The following SYNE1 variants were observed in gnomAD, a reference collection of about 807,000 sequenced individuals.
SYNE1 encodes the protein nesprin-1.
SYNE1 carries 616 observed loss-of-function variants against 1,111.0 expected under a neutral mutation model. The observed-to-expected ratio is 0.55, with a 90% confidence interval of 0.52 to 0.59. The LOEUF (loss-of-function observed/expected upper bound fraction) is 0.59. Ranked by LOEUF, SYNE1 falls within the 20% of genes least tolerant of loss-of-function variation. The probability of loss-of-function intolerance (pLI) is 0.00; values close to 1 mark genes in which losing one functional copy is unlikely to be tolerated. For missense variants in SYNE1, 10,006 were observed against 10,417.0 expected (o/e 0.96, Z 1.72); for synonymous variants, 3,855 against 3,825.8 (o/e 1.01, Z -0.28).
At position 152,628,307 on chromosome 6, in the gene SYNE1, G is replaced by C; in HGVS notation, c.25C>G (p.Arg9Gly). ...ACATTGGCGATATCCCGAGGACACC[G>C]GGAGGCCCCTCTGGAGGTTGCCATG... MATSRGAS[R>G]CPRDIANVMQ... is the part of the protein sequence containing the mutation. The change falls in exon 3 of 146, where the codon CGG becomes GGG. Residue 9 changes from arginine to glycine, a missense_variant. Arg to Gly is a moderately radical substitution (Grantham distance 125). This residue lies in a region of SYNE1 where 1,971 missense variants were observed against 2,084.1 expected (regional missense o/e 0.95). Transcript: ENST00000367255. 1.2e-6 allele frequency: 2 copies of C among 1,614,124 alleles called. No homozygotes were observed. Among genetic ancestry groups the C allele is most frequent in the Non-Finnish European group, 1.7e-6 (2 of 1,180,038 alleles).
At chr6:152,396,646 G>A in intron 50 of SYNE1, 129 bp downstream of exon 50, 1 of 953,290 alleles carries the variant, frequency 1.0e-6, no homozygotes, top group Non-Finnish European at 1.6e-6. Context: ...CTGTATTTAT[G>A]ATCAAAGCTT....
At chr6:152,483,290 A>C (rs2098919302) in intron 13 of SYNE1, 41 bp from the exon 14 acceptor site, 1 of 1,569,288 alleles carries the variant, frequency 6.4e-7, no homozygotes, top group Non-Finnish European at 8.8e-7. Context: ...TCTTTAATAC[A>C]GATGGCAATT....
Position 152,396,812 on chromosome 6 carries a change from T to C in SYNE1, c.7519A>G (p.Lys2507Glu). 1 of 1,614,210 alleles carries C rather than the reference T, an allele frequency of 6.2e-7. No homozygotes were observed. The highest frequency in any genetic ancestry group is 1.1e-5 in the South Asian group (1 of 91,088). The change falls in exon 50 of 146, where the codon AAG becomes GAG. Residue 2507 changes from lysine (K) to glutamate (E), a missense_variant. This residue lies in a region of SYNE1 where 4,955 missense variants were observed against 5,017.2 expected (regional missense o/e 0.99). Transcript: ENST00000367255. Reference protein sequence around the residue: ...QAFLKQCLKDKQALQDCASEL... With the variant: ...QAFLKQCLKDEQALQDCASEL... ...GAAGCACAGTCTTGAAGAGCCTGCT[T>C]ATCTTTAAGGCATTGTTTCAGAAAT...
chr6:152,366,301 C>T (rs1388921758), intron 62 of SYNE1, among the ~76,000 whole-genome samples: 1 of 152,060 alleles, frequency 6.6e-6, no homozygotes, highest in Non-Finnish European at 1.5e-5. Flanking sequence ...CATTGCACTC[C>T]AGCCTGGGCA....
intron 98 of SYNE1, among the ~76,000 whole-genome samples, chr6:152,272,941 A>C (rs2093317665): frequency 6.6e-6 from 1 of 152,238 alleles, no homozygotes; most frequent in Non-Finnish European, 1.5e-5. Context: ...TCATGGCAAT[A>C]ATAATGTAAA....
At chr6:152,127,861 T>C (rs943961247) in intron 145 of SYNE1, 3 of 152,226 alleles carry the variant, frequency 2.0e-5, no homozygotes, top group Non-Finnish European at 4.4e-5. Flanking sequence ...TAAATGTATC[T>C]GATTAACTTG....
At chr6:152,607,275 C>T (rs1367949240) in intron 3 of SYNE1, among the ~76,000 whole-genome samples, 2 of 152,120 alleles carry the variant, frequency 1.3e-5, no homozygotes, top group Admixed American at 1.3e-4. Context: ...TGAGCCACCA[C>T]ACCTGGCCGA....
intron 107 of SYNE1, 39 bp downstream of exon 107, chr6:152,242,201 A>G (rs2085883613): frequency 6.5e-7 from 1 of 1,547,018 alleles, no homozygotes; most frequent in East Asian, 2.2e-5. Context: ...CATGCTTTCC[A>G]ATTACATTTT....
Position 152,461,676 on chromosome 6 carries a change from A to T in SYNE1, c.2315T>A (p.Leu772His), listed in dbSNP as rs1267181894. 7 of 1,613,912 alleles carry T rather than the reference A, an allele frequency of 4.3e-6. No individual in the cohort carries two copies. Among genetic ancestry groups the T allele is most frequent in the South Asian group, 3.3e-5 (3 of 91,086 alleles). Residue 772 changes from leucine to histidine, a missense_variant, in exon 21 of 146, where the codon CTC becomes CAC. Physicochemically the swap from Leu to His is moderately conservative, Grantham distance 99. This residue lies in a region of SYNE1 where 1,971 missense variants were observed against 2,084.1 expected (regional missense o/e 0.95). Transcript: ENST00000367255. The part of the protein sequence containing the change: ...QYKIITKTAH[L>H]ITKESPQEEG... ...TTCTTGGGGGCTTTCTTTGGTAATG[A>T]GGTGTGCTGTCTTTGTAATTATCTT... is the stretch of plus-strand genomic sequence containing the variant.
rs1236907242 is a variant in SYNE1, at chr6:152,453,694, C to A, written c.2919G>T (p.Arg973Ser). The A allele has an allele frequency of 6.2e-7, 1 of 1,614,130 alleles. No homozygotes were observed. The change falls in exon 25 of 146, where the codon AGG becomes AGT. Residue 973 changes from arginine to serine, a missense_variant. Arg to Ser is a moderately radical substitution (Grantham distance 110, BLOSUM62 -1). Around this residue, in one of 7 missense-constraint regions of SYNE1, gnomAD observed 1,971 missense variants for 2,084.1 expected, o/e 0.95. Coordinates refer to ENST00000367255, the MANE Select transcript of SYNE1 (RefSeq NM_182961.4). ...AAGCTTTCAGGAAAGCATTGAGCAC[C>A]CTCTGATCCAGCTGACTGAAAAACT... is the stretch of plus-strand genomic sequence containing the variant. Reference protein sequence around the residue: ...HTEFFSQLDQRVLNAFLKACD... With the variant: ...HTEFFSQLDQSVLNAFLKACD...
intron 12 of SYNE1, among the ~76,000 whole-genome samples, chr6:152,487,898 AC>A (rs1257399401): frequency 2.0e-5 from 3 of 152,010 alleles, no homozygotes; most frequent in African/African-American, 4.8e-5. Flanking sequence ...ACATGGTGAA[AC>A]CCCATCTCTA....
rs762397323 is a variant in SYNE1, at chr6:152,458,825, T to C, written c.2500A>G (p.Ile834Val). ...MTSFYDSLGK[I>V]NEIITVLERE... ...TCAAGAACTGTGATAATTTCATTGA[T>C]TTTCCCAAGTGAGTCATAAAAGGAC... The change falls in exon 22 of 146, where the codon ATC (isoleucine) becomes GTC (valine). Residue 834 changes from isoleucine to valine, a missense_variant. Around this residue, in one of 7 missense-constraint regions of SYNE1, gnomAD observed 1,971 missense variants for 2,084.1 expected, o/e 0.95. Coordinates refer to ENST00000367255, the MANE Select transcript of SYNE1 (RefSeq NM_182961.4). The C allele has an allele frequency of 6.2e-7, 1 of 1,614,088 alleles. No homozygotes were observed. Among genetic ancestry groups the C allele is most frequent in the East Asian group, 2.2e-5 (1 of 44,876 alleles).
In SYNE1 at chr6:152,447,639, C is replaced by A; in HGVS notation, c.3505-17G>T. 1 of 1,614,100 alleles carries A rather than the reference C, an allele frequency of 6.2e-7. No homozygotes were observed. On this transcript the variant is annotated splice_polypyrimidine_tract_variant and intron_variant, in intron 28 of 145. Coordinates refer to ENST00000367255, the MANE Select transcript of SYNE1 (RefSeq NM_182961.4). ...TCTGATCTCCTGAAATGAGAGAACA[C>A]TTTTGATGAACACAGTGCAATTGTG...
At chr6:152,343,142 T>C (rs998920122) in intron 74 of SYNE1, among the ~76,000 whole-genome samples, 1 of 127,916 alleles carries the variant, frequency 7.8e-6, no homozygotes, top group Non-Finnish European at 1.6e-5. Context: ...ATTCTCTTTC[T>C]TTCGTTTTCT....
chr6:152,594,827 C>T (rs765822111), intron 3 of SYNE1, among the ~76,000 whole-genome samples: 10 of 152,160 alleles, frequency 6.6e-5, no homozygotes, highest in Admixed American at 1.3e-4. Flanking sequence ...TTAAAGAAAA[C>T]ATTCTTATCA....
intron 80 of SYNE1, among the ~76,000 whole-genome samples, chr6:152,325,604 C>T (rs894972489): frequency 2.6e-5 from 4 of 152,102 alleles, no homozygotes; most frequent in Non-Finnish European, 4.4e-5. Context: ...GAACCAAATG[C>T]AATATTTTAG....
chr6:152,387,887 C>T (rs1410814446), intron 53 of SYNE1, among the ~76,000 whole-genome samples: 1 of 152,134 alleles, frequency 6.6e-6, no homozygotes, highest in Non-Finnish European at 1.5e-5. Context: ...CACACACACA[C>T]ACAATATACA....
chr6:152,162,722 A>G (rs1382783335), intron 131 of SYNE1, among the ~76,000 whole-genome samples: 2 of 152,218 alleles, frequency 1.3e-5, no homozygotes, highest in African/African-American at 4.8e-5. Context: ...CAAGATAGCT[A>G]GAAGAGAAGA....
chr6:152,288,272 CA>C (rs1484600457), intron 95 of SYNE1, among the ~76,000 whole-genome samples: 1 of 152,070 alleles, frequency 6.6e-6, no homozygotes, highest in Non-Finnish European at 1.5e-5. Flanking sequence ...GTTGCCATTC[CA>C]AATTTTCAAA....
Sources: gnomAD v4.1 joint callset for allele counts (sites outside exome capture counted in the v4.1 genomes callset) on GRCh38, gnomAD v4.1.1 for gene constraint, gnomAD v4.1.1 regional missense constraint, MANE v1.5 for transcripts, NCBI Gene and HGNC (gene_info 2026-07-23, HGNC 2026-07-21) for gene names.